The following CHN1 variants were observed in gnomAD, a reference collection of about 807,000 sequenced individuals.
CHN1 encodes N-chimaerin.
Under a neutral mutation model 59.5 loss-of-function variants are expected in CHN1, and 37 were observed. The observed-to-expected ratio is 0.62, with a 90% CI of 0.48 to 0.82. The LOEUF is 0.82. CHN1 is among the 40% of genes least tolerant of loss of function. The pLI is 0.00. For synonymous variants in CHN1, 206 were observed against 200.4 expected (o/e 1.03, Z -0.24); for missense variants, 469 against 571.0 (o/e 0.82, Z 1.82).
At chr2:174,813,446 A>G (rs1167863278) in intron 8 of CHN1, among the ~76,000 whole-genome samples, 1 of 152,196 alleles carries the variant, frequency 6.6e-6, no homozygotes, top group Non-Finnish European at 1.5e-5. Context: ...ACCTAGACAC[A>G]TACTGCCTCT....
chr2:174,924,338 C>A (rs945076180), intron 3 of CHN1, among the ~76,000 whole-genome samples: 1 of 152,192 alleles, frequency 6.6e-6, no homozygotes, highest in Non-Finnish European at 1.5e-5. Flanking sequence ...TTCCTTCCCA[C>A]AACTTACCAC....
chr2:175,004,960 C>A lies in CHN1; in HGVS notation c.-48G>T. On this transcript the variant is annotated 5_prime_UTR_variant, in exon 1 of 13. Transcript: ENST00000409900. ...CGCGAGTCCAGGCGCTCCTCCCAGG[C>A]GGGCTAGGGATCACCTCATCAGCCC... 2.6e-6 allele frequency: 4 copies of A among 1,518,642 alleles called. No individual in the cohort carries two copies. The highest frequency in any genetic ancestry group is 3.5e-6 in the Non-Finnish European group (4 of 1,136,178). The allele number at this position is 1,518,642 out of a possible 1,614,324, so 94.1% of individuals were successfully genotyped here.
chr2:174,998,557 A>G (rs1691786897), intron 1 of CHN1, among the ~76,000 whole-genome samples: 1 of 152,146 alleles, frequency 6.6e-6, no homozygotes, highest in Non-Finnish European at 1.5e-5. Flanking sequence ...GTCAGAGTGG[A>G]AAGAGAAAGG....
chr2:174,920,909 C>T (rs1688997846), intron 3 of CHN1: 2 of 421,906 alleles, frequency 4.7e-6, no homozygotes, highest in Admixed American at 2.4e-5. Context: ...AACTAGACGG[C>T]CCCATCTGGG....
intron 5 of CHN1, among the ~76,000 whole-genome samples, chr2:174,878,838 T>C (rs1353581787): frequency 3.3e-5 from 5 of 152,266 alleles, no homozygotes; most frequent in Non-Finnish European, 7.3e-5. Context: ...TTCAATTTTA[T>C]GTTCTGATGA....
intron 4 of CHN1, among the ~76,000 whole-genome samples, chr2:174,917,011 G>A (rs954313179): frequency 6.6e-6 from 1 of 152,192 alleles, no homozygotes; most frequent in African/African-American, 2.4e-5. Context: ...GGCCAACATG[G>A]TGAAACCCCA....
chr2:174,947,487 A>ATT (rs71031076), intron 2 of CHN1, among the ~76,000 whole-genome samples: 7,209 of 135,598 alleles, frequency 0.053, 319 homozygotes, highest in African/African-American at 0.11. Flanking sequence ...TTTTTTTTTA[A>ATT]TTTTTTTTTT....
At chr2:174,990,316 C>T (rs1265617415) in intron 1 of CHN1, among the ~76,000 whole-genome samples, 9 of 5,900 alleles carry the variant, frequency 1.5e-3, no homozygotes, top group Non-Finnish European at 2.4e-3. Context: ...AGTGCGAGGT[C>T]GTGGGGGGGT....
chr2:174,846,801 A>G, intron 7 of CHN1, 79 bp downstream of exon 7: 1 of 1,307,148 alleles, frequency 7.7e-7, no homozygotes. Context: ...TAGTTTTAAA[A>G]AGACATAAGA....
chr2:174,836,733 C>A (rs1558945264), intron 7 of CHN1, among the ~76,000 whole-genome samples: 3 of 152,216 alleles, frequency 2.0e-5, no homozygotes, highest in Admixed American at 1.3e-4. Context: ...TCTTCCCCAG[C>A]TCCAGGGGAA....
rs560702104 is a variant in CHN1 at position 174,979,003 on chromosome 2, A to G, written c.19+25891T>C. ...CCAACTAGGGCTAAATTGCACAGAG[A>G]AAAACATGAGTAAAGTACAGTCTCT... On this transcript the variant is annotated intron_variant, in intron 1 of 12. Transcript: ENST00000409900. Among the ~76,000 whole-genome samples, 35 of 152,374 alleles carry G rather than the reference A, an allele frequency of 2.3e-4. 1 individual carries two copies. The highest frequency in any genetic ancestry group is 6.7e-4 in the African/African-American group (28 of 41,596).
chr2:174,916,090 A>G (rs1446569114), intron 4 of CHN1, among the ~76,000 whole-genome samples: 3 of 152,172 alleles, frequency 2.0e-5, no homozygotes, highest in Non-Finnish European at 4.4e-5. Context: ...TCCAAAAGGA[A>G]CTCAACTGTT....
intron 1 of CHN1, among the ~76,000 whole-genome samples, chr2:174,965,471 C>T (rs1690564955): frequency 6.6e-6 from 1 of 151,960 alleles, no homozygotes; most frequent in Admixed American, 6.6e-5. Context: ...AGGGCCAAAC[C>T]AAAGGCTGTT....
chr2:174,947,226 A>G (rs1574199217), intron 2 of CHN1, among the ~76,000 whole-genome samples: 1 of 152,290 alleles, frequency 6.6e-6, no homozygotes, highest in East Asian at 1.9e-4. Flanking sequence ...AGCCACTATG[A>G]AAAAAAGGGA....
At chr2:174,864,903 T>C (rs911208901) in intron 6 of CHN1, among the ~76,000 whole-genome samples, 7 of 152,174 alleles carry the variant, frequency 4.6e-5, no homozygotes, top group African/African-American at 1.7e-4. Flanking sequence ...ATGCACTTGT[T>C]GAATTAGTGC....
rs374336042 is a variant in CHN1, at chr2:174,826,566, G to C, written c.628-2048C>G. Among the ~76,000 whole-genome samples, 15 of 152,320 alleles carry C rather than the reference G, an allele frequency of 9.8e-5. No individual in the cohort carries two copies. The East Asian group carries it at 1.5e-3, about 16-fold the overall frequency. ...CTCAGGAATTATTTTGTGCCGATCA[G>C]TTATCTCATGGTAAAGCATCTGAAA... is the stretch of plus-strand genomic sequence containing the variant. On this transcript the variant is annotated intron_variant, in intron 7 of 12. Transcript: ENST00000409900.
rs143073029 is a variant in CHN1, at chr2:174,809,801, G to C, written c.965-759C>G. Among the ~76,000 whole-genome samples the C allele has an allele frequency of 4.5e-3, 689 of 152,288 alleles. 6 individuals carry two copies. The highest frequency in any genetic ancestry group is 0.016 in the African/African-American group (650 of 41,540). On this transcript the variant is annotated intron_variant, in intron 10 of 12. Coordinates refer to ENST00000409900, the MANE Select transcript of CHN1 (RefSeq NM_001822.7). ...TCTTTACTTTCTGCTCTTGCCTCCAGCAGACTAGGATTCTTCTGGGGTAAA... is the reference window on the plus strand; with the variant it reads ...TCTTTACTTTCTGCTCTTGCCTCCACCAGACTAGGATTCTTCTGGGGTAAA...
chr2:174,921,659 G>C (rs955903738), intron 3 of CHN1, among the ~76,000 whole-genome samples: 30 of 152,086 alleles, frequency 2.0e-4, no homozygotes, highest in Admixed American at 2.0e-3. Context: ...GCATGGCTGG[G>C]GAGGTTTCAG....
intron 7 of CHN1, among the ~76,000 whole-genome samples, chr2:174,828,375 G>A (rs897350617): frequency 3.3e-5 from 5 of 152,110 alleles, no homozygotes; most frequent in Admixed American, 1.3e-4. Context: ...TTTTACGTGC[G>A]TCGTTATGCT....
Sources: allele counts gnomAD v4.1 joint callset (sites outside exome capture counted in the v4.1 genomes callset), GRCh38; gene constraint gnomAD v4.1.1; transcripts MANE v1.5; gene names NCBI Gene and HGNC (gene_info 2026-07-23, HGNC 2026-07-21).